Variants in CCDC9 observed in about 807,000 individuals in gnomAD.
CCDC9 encodes the protein coiled-coil domain-containing protein 9.
Under a neutral mutation model 65.6 loss-of-function variants are expected in CCDC9, and 52 were observed. The ratio of observed to expected loss-of-function variants is 0.79; its 90% CI spans 0.63 to 1.00. The LOEUF is 1.00. Ranked by LOEUF, CCDC9 falls within the 50% of genes least tolerant of loss-of-function variation. The pLI, the probability that CCDC9 is intolerant of heterozygous loss-of-function variation, is 0.00. For synonymous variants in CCDC9, 332 were observed against 280.3 expected (o/e 1.18, Z -1.84); for missense variants, 834 against 757.2 (o/e 1.10, Z -1.19).
downstream of CCDC9, chr19:47,274,496 C>G (rs1014055899): frequency 5.1e-4 from 80 of 155,720 alleles, no homozygotes; most frequent in Non-Finnish European, 9.0e-4. Flanking sequence ...AGCAGTCCGA[C>G]AGGTAGAGAA....
downstream of CCDC9, chr19:47,272,010 C>T (rs2059127411): frequency 2.4e-6 from 3 of 1,240,138 alleles, no homozygotes; most frequent in East Asian, 3.1e-5. Flanking sequence ...GGCCTTCTCT[C>T]TTGGGGTGGG....
downstream of CCDC9, chr19:47,272,168 G>C: frequency 1.6e-6 from 2 of 1,234,566 alleles, no homozygotes; most frequent in Non-Finnish European, 2.0e-6. Context: ...CCAGGTGGGG[G>C]AGTGCATGGG....
chr19:47,275,533 C>A, downstream of CCDC9: 1 of 796,230 alleles, frequency 1.3e-6, no homozygotes, highest in Non-Finnish European at 1.9e-6. Context: ...CTTGCAGCTA[C>A]TCTGTGGTCA....
chr19:47,275,657 ATCCGTG>A, downstream of CCDC9: 1 of 422,886 alleles, frequency 2.4e-6, no homozygotes, highest in Non-Finnish European at 4.4e-6. Flanking sequence ...ACCTCCCTGA[ATCCGTG>A]TCCATCTGCA....
chr19:47,267,046 G>C (rs1410938599), intron 8 of CCDC9, among the ~76,000 whole-genome samples: 2 of 151,586 alleles, frequency 1.3e-5, no homozygotes, highest in African/African-American at 4.8e-5. Flanking sequence ...CTCACCGCAA[G>C]CTCCGCCTCC....
At chr19:47,269,305 G>C (rs926882434) in intron 8 of CCDC9, among the ~76,000 whole-genome samples, 22 of 152,180 alleles carry the variant, frequency 1.4e-4, no homozygotes, top group Admixed American at 1.1e-3. Context: ...AAGCAGCCAG[G>C]GTGGAGGTTA....
chr19:47,261,197 C>T (rs1367071632), intron 5 of CCDC9, among the ~76,000 whole-genome samples: 1 of 151,974 alleles, frequency 6.6e-6, no homozygotes, highest in African/African-American at 2.4e-5. Flanking sequence ...TTTTCTCGCT[C>T]TCTGGTGCAT....
chr19:47,266,582 A>T, intron 7 of CCDC9, 29 bp from the exon 8 acceptor site: 6 of 1,487,956 alleles, frequency 4.0e-6, no homozygotes, highest in Non-Finnish European at 5.4e-6. Flanking sequence ...GCGGGACATC[A>T]CCCTGACTCC....
chr19:47,268,150 C>T (rs994311035), intron 8 of CCDC9, among the ~76,000 whole-genome samples: 9 of 152,052 alleles, frequency 5.9e-5, no homozygotes, highest in African/African-American at 2.2e-4. Flanking sequence ...CCCGGCACCA[C>T]CACCTTCTTA....
rs551219267 is a variant in CCDC9 at position 47,266,286 on chromosome 19, C to T, written c.721-325C>T. 713 of 280,920 alleles carry T rather than the reference C, an allele frequency of 2.5e-3. 6 individuals carry two copies. Among genetic ancestry groups the T allele is most frequent in the African/African-American group, 0.014 (644 of 45,608 alleles). The allele number at this position is 280,920 out of a possible 1,614,324, so 17.4% of individuals were successfully genotyped here. A position where few individuals can be genotyped will look rare whatever the true frequency, so the allele number is the denominator to read the frequency against. ...CTGGGATTACAGGCGTGAGCCACCG[C>T]GCCCGGCGGGAGAAGAGTTTGGAGG... is the stretch of plus-strand genomic sequence containing the variant. On this transcript the variant is annotated intron_variant, in intron 7 of 11. Coordinates refer to ENST00000221922, the MANE Select transcript of CCDC9 (RefSeq NM_015603.3).
At chr19:47,261,580 T>G (rs1055154585) in intron 5 of CCDC9, among the ~76,000 whole-genome samples, 4 of 151,696 alleles carry the variant, frequency 2.6e-5, no homozygotes, top group African/African-American at 9.7e-5. Flanking sequence ...GACGTGGTGG[T>G]GGGCACCTGT....
rs1259690326 is a variant in CCDC9 at position 47,264,584 on chromosome 19, C to A, written c.463-19C>A. Reference sequence around the variant, plus strand: ...ATAGTTCTCCCTGAAGCTGGGTGTCCCTATCTTTATCCCCCCAGGAGTGGG... The same window carrying A: ...ATAGTTCTCCCTGAAGCTGGGTGTCACTATCTTTATCCCCCCAGGAGTGGG... On this transcript the variant is annotated intron_variant, in intron 5 of 11. Coordinates refer to ENST00000221922, the MANE Select transcript of CCDC9 (RefSeq NM_015603.3). 1.9e-6 allele frequency: 3 copies of A among 1,574,610 alleles called. No individual in the cohort carries two copies. Among genetic ancestry groups the A allele is most frequent in the Non-Finnish European group, 2.6e-6 (3 of 1,159,574 alleles).
intron 10 of CCDC9, 91 bp downstream of exon 10, chr19:47,270,779 T>G: frequency 2.2e-6 from 3 of 1,349,300 alleles, no homozygotes; most frequent in Non-Finnish European, 3.0e-6. Flanking sequence ...TGGGTACATC[T>G]GTCTGTCCCT....
intron 5 of CCDC9, 46 bp from the exon 6 acceptor site, chr19:47,264,557 T>A (rs1268307227): frequency 6.5e-7 from 1 of 1,538,650 alleles, no homozygotes; most frequent in Non-Finnish European, 8.8e-7. Flanking sequence ...ACCGGCAGCT[T>A]AATAGTTCTC....
intron 3 of CCDC9, 96 bp from the exon 4 acceptor site, chr19:47,260,225 G>T: frequency 1.2e-6 from 1 of 852,136 alleles, no homozygotes; most frequent in Non-Finnish European, 1.9e-6. Context: ...AGAGAGGCCT[G>T]GGCTGGGGCC....
rs751757229 is a variant in CCDC9 at position 47,264,595 on chromosome 19, C to G, written c.463-8C>G. The G allele has an allele frequency of 1.9e-6, 3 of 1,586,200 alleles. No homozygotes were observed. In the African/African-American group the frequency reaches 4.0e-5, roughly 21 times the overall value. Reference sequence around the variant, plus strand: ...TGAAGCTGGGTGTCCCTATCTTTATCCCCCCAGGAGTGGGAGGAGCGGCGC... The same window carrying G: ...TGAAGCTGGGTGTCCCTATCTTTATGCCCCCAGGAGTGGGAGGAGCGGCGC... On this transcript the variant is annotated splice_polypyrimidine_tract_variant and splice_region_variant and intron_variant, in intron 5 of 11. Coordinates refer to ENST00000221922, the MANE Select transcript of CCDC9 (RefSeq NM_015603.3).
chr19:47,274,391 TCGCGCGGGAACC>T (rs931686269), downstream of CCDC9: 19 of 150,248 alleles, frequency 1.3e-4, no homozygotes, highest in South Asian at 4.1e-4. Context: ...GGTCGGGGTG[TCGCGCGGGAACC>T]CGCGCGGGAG....
downstream of CCDC9, among the ~76,000 whole-genome samples, chr19:47,272,533 G>T (rs2123489102): frequency 6.6e-6 from 1 of 152,156 alleles, no homozygotes; most frequent in Admixed American, 6.5e-5. Flanking sequence ...GAGGCGGGAG[G>T]ATCGCTTGAA....
At position 47,271,763 on chromosome 19, in the gene CCDC9, G is replaced by T. The variant is rs55857523; in HGVS notation, c.*85G>T. Reference sequence around the variant, plus strand: ...CGCGCGCGCGCGCGCGCGCGCGCTAGAGGGGTGTGGCTGGTGGGGGACCCT... The same window carrying T: ...CGCGCGCGCGCGCGCGCGCGCGCTATAGGGGTGTGGCTGGTGGGGGACCCT... On this transcript the variant is annotated 3_prime_UTR_variant, in exon 12 of 12. Coordinates refer to ENST00000221922, the MANE Select transcript of CCDC9 (RefSeq NM_015603.3). 2.7e-6 allele frequency: 4 copies of T among 1,469,376 alleles called. No homozygotes were observed. The highest frequency in any genetic ancestry group is 2.7e-6 in the Non-Finnish European group (3 of 1,115,740). 91.0% of individuals were successfully genotyped at this position (1,469,376 alleles called of 1,614,324 possible).
Sources: gnomAD v4.1 joint callset for allele counts (sites outside exome capture counted in the v4.1 genomes callset) on GRCh38, gnomAD v4.1.1 for gene constraint, MANE v1.5 for transcripts, NCBI Gene and HGNC (gene_info 2026-07-23, HGNC 2026-07-21) for gene names.